Variants in FOXP2 observed in about 807,000 individuals in gnomAD.
The protein encoded by FOXP2 is forkhead box protein P2.
A neutral mutation model predicts 115.8 loss-of-function variants in FOXP2; 12 were observed. The observed-to-expected ratio is 0.10, with a 90% CI of 0.07 to 0.17. FOXP2 has a LOEUF of 0.17. Ranked by LOEUF, FOXP2 falls within the 10% of genes least tolerant of loss-of-function variation. The pLI, the probability that FOXP2 is intolerant of heterozygous loss-of-function variation, is 1.00. For synonymous variants in FOXP2, 328 were observed against 297.7 expected (o/e 1.10, Z -1.05); for missense variants, 629 against 843.5 (o/e 0.75, Z 3.15).
intron 14 of FOXP2, among the ~76,000 whole-genome samples, chr7:114,663,108 T>C: frequency 6.6e-6 from 1 of 152,146 alleles, no homozygotes; most frequent in Admixed American, 6.6e-5. Flanking sequence ...GGTAATTGTA[T>C]TGTATATTTA....
chr7:114,572,305 A>G (rs533092191), intron 3 of FOXP2, among the ~76,000 whole-genome samples: 1 of 151,734 alleles, frequency 6.6e-6, no homozygotes, highest in African/African-American at 2.4e-5. Context: ...TGCTGGCTTC[A>G]GAGAGACCTG....
At chr7:114,656,980 G>A (rs1051990982) in intron 10 of FOXP2, among the ~76,000 whole-genome samples, 2 of 152,280 alleles carry the variant, frequency 1.3e-5, no homozygotes, top group South Asian at 4.1e-4. Flanking sequence ...CCACTCAGCA[G>A]TTACTTTATA....
At chr7:114,162,392 A>G (rs1234975923), upstream of FOXP2, among the ~76,000 whole-genome samples, 1 of 152,160 alleles carries the variant, frequency 6.6e-6, no homozygotes, top group African/African-American at 2.4e-5. Context: ...CCTTTGTACC[A>G]TTAAAAAAAA....
chr7:114,641,324 T>G (rs1368081534), intron 6 of FOXP2, among the ~76,000 whole-genome samples: 1 of 152,210 alleles, frequency 6.6e-6, no homozygotes, highest in Non-Finnish European at 1.5e-5. Flanking sequence ...AATTCATAGT[T>G]AAAAACTAAA....
chr7:114,161,005 T>C (rs1345641944), upstream of FOXP2, among the ~76,000 whole-genome samples: 2 of 152,328 alleles, frequency 1.3e-5, no homozygotes, highest in South Asian at 2.1e-4. Flanking sequence ...GTATTTGTTA[T>C]TGATGTCAAT....
intron 1 of FOXP2, among the ~76,000 whole-genome samples, chr7:114,279,001 G>A (rs1796261630): frequency 6.6e-6 from 1 of 152,070 alleles, no homozygotes; most frequent in Non-Finnish European, 1.5e-5. Context: ...TGGGTTATAT[G>A]GGTAGATTAG....
chr7:114,654,021 T>C lies in FOXP2; in HGVS notation c.1266+12T>C. 1 of 1,613,198 alleles carries C rather than the reference T, an allele frequency of 6.2e-7. No homozygotes were observed. Among genetic ancestry groups the C allele is most frequent in the Middle Eastern group, 1.7e-4 (1 of 6,052 alleles). On this transcript the variant is annotated intron_variant, in intron 10 of 16. Coordinates refer to ENST00000350908, the MANE Select transcript of FOXP2 (RefSeq NM_014491.4). The stretch of plus-strand genomic sequence containing the variant: ...CATCTCCCAAACCTGTAAGTGCATA[T>C]TGCTTTATAAACAGTAAATAGCTCT...
At chr7:114,142,755 G>C (rs889024174) in intron 1 of FOXP2, among the ~76,000 whole-genome samples, 1 of 152,024 alleles carries the variant, frequency 6.6e-6, no homozygotes, top group Non-Finnish European at 1.5e-5. Flanking sequence ...TTAATATATA[G>C]GCTGAAGTAT....
chr7:114,362,726 A>G (rs913198160), intron 2 of FOXP2, among the ~76,000 whole-genome samples: 1 of 152,140 alleles, frequency 6.6e-6, no homozygotes, highest in Non-Finnish European at 1.5e-5. Flanking sequence ...AGCATATGCT[A>G]TAAAAAATCG....
chr7:114,460,260 G>A (rs1220759980), intron 2 of FOXP2, among the ~76,000 whole-genome samples: 1 of 152,100 alleles, frequency 6.6e-6, no homozygotes. Context: ...CTTATCTTCA[G>A]TAAGTAAGTT....
At chr7:114,298,913 G>T (rs1391690631) in intron 2 of FOXP2, among the ~76,000 whole-genome samples, 1 of 152,146 alleles carries the variant, frequency 6.6e-6, no homozygotes, top group Admixed American at 6.6e-5. Flanking sequence ...GAGGCACGTG[G>T]AGTAAGGTAT....
chr7:114,574,028 C>T (rs980136134), intron 3 of FOXP2, among the ~76,000 whole-genome samples: 1 of 151,616 alleles, frequency 6.6e-6, no homozygotes, highest in Non-Finnish European at 1.5e-5. Flanking sequence ...CATTGGCCAT[C>T]CCCTGAGTAT....
intron 3 of FOXP2, among the ~76,000 whole-genome samples, chr7:114,582,035 G>A (rs1234442159): frequency 6.6e-6 from 1 of 152,148 alleles, no homozygotes; most frequent in Non-Finnish European, 1.5e-5. Flanking sequence ...TGATAGAATG[G>A]TGGCTTGAGA....
Position 114,343,837 on chromosome 7 carries a change from C to T in FOXP2, c.-11+55728C>T, listed in dbSNP as rs948058453. ...AGTAGCCATTCCTTCCCTGGTTTTC[C>T]CAGTTCAACTTGCTATTTTCTAACC... is the stretch of plus-strand genomic sequence containing the variant. On this transcript the variant is annotated intron_variant, in intron 2 of 17. Coordinates refer to the FOXP2 transcript ENST00000634411. 2.6e-5 allele frequency among the ~76,000 whole-genome samples: 4 copies of T among 151,568 alleles called. No homozygotes were observed. In the East Asian group the frequency reaches 7.7e-4, roughly 29 times the overall value.
Position 114,414,839 on chromosome 7 carries a change from C to T in FOXP2, c.-532C>T, listed in dbSNP as rs531815993. ...CACAGACATGAAAGCTAACCGAGGA[C>T]TTGAGAGACTCAAACTGGTGCTTTT... On this transcript the variant is annotated 5_prime_UTR_variant, in exon 1 of 17. Coordinates refer to ENST00000350908, the MANE Select transcript of FOXP2 (RefSeq NM_014491.4). 2.6e-4 allele frequency: 88 copies of T among 335,524 alleles called. 2 individuals carry two copies. The highest frequency in any genetic ancestry group is 2.1e-3 in the South Asian group (84 of 40,398). 20.8% of individuals were successfully genotyped at this position (335,524 alleles called of 1,614,324 possible).
chr7:114,679,472 A>G (rs1221682636), intron 16 of FOXP2, among the ~76,000 whole-genome samples: 1 of 151,838 alleles, frequency 6.6e-6, no homozygotes, highest in African/African-American at 2.4e-5. Flanking sequence ...TCTTCATAAA[A>G]CTCTTCTACC....
chr7:114,159,696 A>T (rs1355788505), upstream of FOXP2, among the ~76,000 whole-genome samples: 1 of 150,736 alleles, frequency 6.6e-6, no homozygotes, highest in Non-Finnish European at 1.5e-5. Flanking sequence ...TCACTGGATT[A>T]TAGTTCACAT....
chr7:114,139,977 G>T (rs527718334), intron 1 of FOXP2, among the ~76,000 whole-genome samples: 1 of 152,188 alleles, frequency 6.6e-6, no homozygotes, highest in African/African-American at 2.4e-5. Context: ...GCCAAGCGTG[G>T]TGGCAGGCGC....
intron 2 of FOXP2, among the ~76,000 whole-genome samples, chr7:114,312,614 G>T (rs1797174037): frequency 6.6e-6 from 1 of 152,144 alleles, no homozygotes; most frequent in Non-Finnish European, 1.5e-5. Flanking sequence ...ATACTGGCAG[G>T]ACACATGAGA....
Sources: gnomAD v4.1 joint callset for allele counts (sites outside exome capture counted in the v4.1 genomes callset) on GRCh38, gnomAD v4.1.1 for gene constraint, MANE v1.5 for transcripts, NCBI Gene and HGNC (gene_info 2026-07-23, HGNC 2026-07-21) for gene names.